Variants in CAMKK2 observed in about 807,000 individuals in gnomAD.
CAMKK2 encodes calcium/calmodulin dependent protein kinase kinase 2.
In CAMKK2, 30 loss-of-function variants were observed where a neutral mutation model predicts 67.2. That is an observed-to-expected ratio of 0.45 (90% CI 0.33 to 0.61). The LOEUF (loss-of-function observed/expected upper bound fraction) is 0.61. Ranked by LOEUF, CAMKK2 falls within the 20% of genes least tolerant of loss-of-function variation. CAMKK2 has a pLI of 0.02. For missense variants in CAMKK2, 643 were observed against 802.0 expected (o/e 0.80, Z 2.39); for synonymous variants, 322 against 326.2 (o/e 0.99, Z 0.14).
rs974092838 is a variant in CAMKK2, at chr12:121,285,662, C to A, written c.-60+10976G>T. Among the ~76,000 whole-genome samples, 1 of 151,718 alleles carries A rather than the reference C, an allele frequency of 6.6e-6. No homozygotes were observed. Among genetic ancestry groups the A allele is most frequent in the Non-Finnish European group, 1.5e-5 (1 of 67,896 alleles). ...CATCGCTACAAAAATACAAAAAAAA[C>A]CTAGCTGGGCATGGTGGCGTACACC... On this transcript the variant is annotated intron_variant, in intron 1 of 16. Coordinates refer to ENST00000404169, the MANE Select transcript of CAMKK2 (RefSeq NM_001270485.2). This position sits in a 1 kb window ranked among gnomAD's most constrained non-coding sequence, Gnocchi z 4.1.
chr12:121,263,768 AG>A, intron 6 of CAMKK2, 37 bp downstream of exon 6: 1 of 1,565,438 alleles, frequency 6.4e-7, no homozygotes, highest in Non-Finnish European at 8.7e-7. Flanking sequence ...TAACAAAGCC[AG>A]GGCCTCCCTC....
In CAMKK2 at chr12:121,240,375, T is replaced by C; in HGVS notation, c.*324A>G. On this transcript the variant is annotated 3_prime_UTR_variant, in exon 17 of 17. Transcript: ENST00000404169. The surrounding 1 kb of genome is among the most constrained non-coding windows in gnomAD (Gnocchi z 4.4). ...ACACAGTCACTTGGTATATCTGACGTGGTTCTGAAAATCACAATGAAGGAT... is the reference window on the plus strand; with the variant it reads ...ACACAGTCACTTGGTATATCTGACGCGGTTCTGAAAATCACAATGAAGGAT... 1 of 1,419,692 alleles carries C rather than the reference T, an allele frequency of 7.0e-7. No homozygotes were observed. The highest frequency in any genetic ancestry group is 1.3e-5 in the South Asian group (1 of 78,980). 87.9% of individuals were successfully genotyped at this position (1,419,692 alleles called of 1,614,324 possible).
At chr12:121,259,210 T>G (rs1892957049) in intron 7 of CAMKK2, among the ~76,000 whole-genome samples, 1 of 152,152 alleles carries the variant, frequency 6.6e-6, no homozygotes, top group Admixed American at 6.6e-5. Flanking sequence ...AAATGTCACC[T>G]TGGTGAGACA....
In CAMKK2 at chr12:121,274,571, C is replaced by T. The variant is rs201046704; in HGVS notation, c.-45G>A. ...TCCAGCACACTGGGGCACTCCCATC[C>T]GGCAGCGGAGCCACCTGCAGAAAGA... On this transcript the variant is annotated 5_prime_UTR_variant, in exon 2 of 17. Coordinates refer to ENST00000404169, the MANE Select transcript of CAMKK2 (RefSeq NM_001270485.2). 521 of 1,405,878 alleles carry T rather than the reference C, an allele frequency of 3.7e-4. 1 individual carries two copies. Among genetic ancestry groups the T allele is most frequent in the Non-Finnish European group, 4.6e-4 (478 of 1,033,314 alleles). 87.1% of individuals were successfully genotyped at this position (1,405,878 alleles called of 1,614,324 possible).
intron 7 of CAMKK2, among the ~76,000 whole-genome samples, chr12:121,256,713 C>T (rs1340142657): frequency 1.3e-5 from 2 of 152,168 alleles, no homozygotes; most frequent in African/African-American, 4.8e-5. Context: ...AAGGTTCATC[C>T]ACACTGGTGC....
At position 121,245,931 on chromosome 12, in the gene CAMKK2, A is replaced by G. The variant is rs1291250418; in HGVS notation, c.1453-691T>C. Among the ~76,000 whole-genome samples the G allele has an allele frequency of 6.6e-6, 1 of 152,230 alleles. No homozygotes were observed. Among genetic ancestry groups the G allele is most frequent in the Admixed American group, 6.5e-5 (1 of 15,282 alleles). On this transcript the variant is annotated intron_variant, in intron 14 of 16. Transcript: ENST00000404169. This position sits in a 1 kb window ranked among gnomAD's most constrained non-coding sequence, Gnocchi z 5.8. ...AATGGAACATGATTCAGCCATAAGG[A>G]GTGAAGCACTGATCCATGCTACAAC... is the stretch of plus-strand genomic sequence containing the variant.
intron 11 of CAMKK2, among the ~76,000 whole-genome samples, chr12:121,251,200 G>A (rs141131729): frequency 2.0e-5 from 3 of 152,234 alleles, no homozygotes; most frequent in African/African-American, 7.2e-5. Flanking sequence ...CATTTGGAAG[G>A]AAGAGTGGAG....
intron 15 of CAMKK2, 127 bp from the exon 16 acceptor site, chr12:121,244,742 G>A (rs1206152392): frequency 2.7e-6 from 2 of 747,576 alleles, no homozygotes; most frequent in Admixed American, 2.7e-5. Flanking sequence ...AGCCAGGGTG[G>A]CGTTGACAGC....
At chr12:121,290,271 G>A (rs1226080032) in intron 1 of CAMKK2, among the ~76,000 whole-genome samples, 1 of 152,224 alleles carries the variant, frequency 6.6e-6, no homozygotes, top group African/African-American at 2.4e-5. Flanking sequence ...AGAATGGGCT[G>A]ACTCCACTCA....
In CAMKK2 at chr12:121,238,353, A is replaced by T. The variant is rs947996419; in HGVS notation, c.*2346T>A. 3 of 152,434 alleles carry T rather than the reference A, an allele frequency of 2.0e-5. No individual in the cohort carries two copies. The East Asian group carries it at 5.8e-4, about 29-fold the overall frequency. The allele number at this position is 152,434 out of a possible 1,614,324, so 9.4% of individuals were successfully genotyped here. A position where few individuals can be genotyped will look rare whatever the true frequency, so the allele number is the denominator to read the frequency against. On this transcript the variant is annotated 3_prime_UTR_variant, in exon 17 of 17. Coordinates refer to ENST00000404169, the MANE Select transcript of CAMKK2 (RefSeq NM_001270485.2). ...ACCAAATTGGTCCCACAGATGAGCT[A>T]GCAATGGAAGAAATTATGGGCGTCC... is the stretch of plus-strand genomic sequence containing the variant.
At chr12:121,297,070 G>C (rs550189493), upstream of CAMKK2, 39 of 153,230 alleles carry the variant, frequency 2.5e-4, no homozygotes, top group African/African-American at 8.9e-4. Context: ...GCGGAGCGCA[G>C]GAGGTGGCGC....
Position 121,257,021 on chromosome 12 carries a change from T to TAA in CAMKK2, c.797-1219_797-1218dup, listed in dbSNP as rs11377456. ...AATACAAGGCTGTACTTTAGGAAGT[T>TAA]AAAAAAAAAAAGAGCACAGTCGATT... On this transcript the variant is annotated intron_variant, in intron 7 of 16. Coordinates refer to ENST00000404169, the MANE Select transcript of CAMKK2 (RefSeq NM_001270485.2). Among the ~76,000 whole-genome samples the TAA allele has an allele frequency of 2.1e-3, 317 of 148,274 alleles. 1 individual carries two copies. Among genetic ancestry groups the TAA allele is most frequent in the Middle Eastern group, 7.0e-3 (2 of 286 alleles).
intron 3 of CAMKK2, 91 bp downstream of exon 3, chr12:121,270,807 T>G: frequency 9.8e-7 from 1 of 1,017,876 alleles, no homozygotes; most frequent in South Asian, 1.3e-5. Context: ...CAAAGACTCC[T>G]CTCCTGCTCC....
At chr12:121,277,845 T>A (rs965269823) in intron 1 of CAMKK2, among the ~76,000 whole-genome samples, 1 of 152,146 alleles carries the variant, frequency 6.6e-6, no homozygotes, top group African/African-American at 2.4e-5. Flanking sequence ...TGGGCACCTG[T>A]CATCCCAGCT....
At position 121,291,156 on chromosome 12, in the gene CAMKK2, AG is replaced by A. The variant is rs986866860; in HGVS notation, c.-60+5481del. On this transcript the variant is annotated intron_variant, in intron 1 of 16. Coordinates refer to ENST00000404169, the MANE Select transcript of CAMKK2 (RefSeq NM_001270485.2). ...TAAATGGGGAGCCACGATTCTTGCA[AG>A]GGGTAGGTAAGGGTGCATGAAGGGA... is the stretch of plus-strand genomic sequence containing the variant. Among the ~76,000 whole-genome samples the A allele has an allele frequency of 2.6e-5, 4 of 152,200 alleles. 1 individual carries two copies. The South Asian group carries it at 6.2e-4, about 24-fold the overall frequency.
Position 121,267,405 on chromosome 12 carries a change from C to A in CAMKK2, c.625+1233G>T, listed in dbSNP as rs1354604550. On this transcript the variant is annotated intron_variant, in intron 5 of 16. Coordinates refer to ENST00000404169, the MANE Select transcript of CAMKK2 (RefSeq NM_001270485.2). Reference sequence around the variant, plus strand: ...AGGATTATAGGCATGAGCCACCGTGCCCTGCTAAATTTACCATTTTAAAAT... The same window carrying A: ...AGGATTATAGGCATGAGCCACCGTGACCTGCTAAATTTACCATTTTAAAAT... Among the ~76,000 whole-genome samples, 12 of 151,898 alleles carry A rather than the reference C, an allele frequency of 7.9e-5. No homozygotes were observed. The East Asian group carries it at 2.1e-3, about 27-fold the overall frequency.
intron 5 of CAMKK2, among the ~76,000 whole-genome samples, chr12:121,266,017 G>T (rs1237598570): frequency 6.6e-6 from 1 of 151,908 alleles, no homozygotes; most frequent in African/African-American, 2.4e-5. Context: ...CTGCAGCCTT[G>T]AACTCCCAGG....
rs114594159 is a variant in CAMKK2 at position 121,266,857 on chromosome 12, A to G, written c.625+1781T>C. On this transcript the variant is annotated intron_variant, in intron 5 of 16. Coordinates refer to ENST00000404169, the MANE Select transcript of CAMKK2 (RefSeq NM_001270485.2). ...ATTTTGCCCAGCAATGCTGGCAGGG[A>G]GCTTATGTTGAAGCAGCCTCTGATA... Among the ~76,000 whole-genome samples the G allele has an allele frequency of 4.3e-3, 658 of 151,800 alleles. 8 individuals are homozygous for G. The highest frequency in any genetic ancestry group is 0.015 in the African/African-American group (625 of 41,374).
chr12:121,249,783 G>C lies in CAMKK2; in HGVS notation c.1323+4C>G. ...GCACGGGGCACAGGCTGAGCCAAGG[G>C]TACCTTGATTTCCGGCACCACGATC... On this transcript the variant is annotated splice_donor_region_variant and intron_variant, in intron 13 of 16. Transcript: ENST00000404169. 1 of 1,613,660 alleles carries C rather than the reference G, an allele frequency of 6.2e-7. No homozygotes were observed. The highest frequency in any genetic ancestry group is 8.5e-7 in the Non-Finnish European group (1 of 1,179,560).
Sources: allele counts gnomAD v4.1 joint callset (sites outside exome capture counted in the v4.1 genomes callset), GRCh38; gene constraint gnomAD v4.1.1; non-coding constraint Gnocchi (gnomAD v3.1); transcripts MANE v1.5; gene names NCBI Gene and HGNC (gene_info 2026-07-23, HGNC 2026-07-21).